Variants in ULK4 observed in about 807,000 individuals in gnomAD.
ULK4 encodes the protein unc-51 like kinase 4.
ULK4 carries 133 observed loss-of-function variants against 160.6 expected under a neutral mutation model. That is an observed-to-expected ratio of 0.83 (90% CI 0.72 to 0.96). The LOEUF (loss-of-function observed/expected upper bound fraction) is 0.96. Among genes scored for constraint, ULK4 ranks in the 40% least tolerant of loss-of-function variants. ULK4 has a pLI of 0.00. For missense variants in ULK4, 1,580 were observed against 1,499.5 expected (o/e 1.05, Z -0.89); for synonymous variants, 534 against 539.8 (o/e 0.99, Z 0.15).
At chr3:41,826,769 G>C (rs1177821789) in intron 18 of ULK4, among the ~76,000 whole-genome samples, 2 of 148,550 alleles carry the variant, frequency 1.3e-5, no homozygotes, top group Admixed American at 6.7e-5. Context: ...AAGTTAACAA[G>C]GATATCCAGG....
intron 35 of ULK4, among the ~76,000 whole-genome samples, chr3:41,353,357 C>T (rs79879532): frequency 0.049 from 7,444 of 152,138 alleles, 435 homozygotes; most frequent in East Asian, 0.21. Context: ...AGCAGTAGAA[C>T]GTTAACATAA....
In ULK4 at chr3:41,918,558, C is replaced by T; in HGVS notation, c.644-18G>A. On this transcript the variant is annotated intron_variant, in intron 6 of 36. Transcript: ENST00000301831. ...AGGTTTTCCTGAAATCACATGAAAA[C>T]TTGCAAAATGAAAGAAGTCTGCTAT... 2 of 1,315,094 alleles carry T rather than the reference C, an allele frequency of 1.5e-6. No individual in the cohort carries two copies. Among genetic ancestry groups the T allele is most frequent in the Admixed American group, 2.4e-5 (1 of 40,944 alleles). 81.5% of individuals were successfully genotyped at this position (1,315,094 alleles called of 1,614,324 possible).
chr3:41,423,198 T>C (rs2082699654), intron 34 of ULK4, among the ~76,000 whole-genome samples: 2 of 152,130 alleles, frequency 1.3e-5, no homozygotes, highest in Admixed American at 1.3e-4. Context: ...CAAGGACACA[T>C]GCCAAATGTA....
intron 17 of ULK4, among the ~76,000 whole-genome samples, chr3:41,871,555 T>C (rs57555409): frequency 0.06 from 9,200 of 152,298 alleles, 881 homozygotes; most frequent in African/African-American, 0.21. Context: ...CTTTAATAGG[T>C]GTATAGTTGC....
intron 34 of ULK4, among the ~76,000 whole-genome samples, chr3:41,416,444 T>C (rs7619162): frequency 0.48 from 72,739 of 151,876 alleles, 18,209 homozygotes; most frequent in African/African-American, 0.62. Context: ...ATGCCTAGAA[T>C]GACGCCGTCA....
chr3:41,622,985 T>C (rs537399709), intron 30 of ULK4, among the ~76,000 whole-genome samples: 1 of 152,328 alleles, frequency 6.6e-6, no homozygotes, highest in East Asian at 1.9e-4. Context: ...ACTTTATTTA[T>C]AAACAACAGG....
At chr3:41,332,765 C>G (rs1389028768) in intron 35 of ULK4, among the ~76,000 whole-genome samples, 1 of 152,124 alleles carries the variant, frequency 6.6e-6, no homozygotes, top group Non-Finnish European at 1.5e-5. Context: ...ATAGTGAGCA[C>G]AGTACCCAAT....
At chr3:41,829,446 GAAAA>G (rs796407503) in intron 18 of ULK4, among the ~76,000 whole-genome samples, 1 of 147,414 alleles carries the variant, frequency 6.8e-6, no homozygotes, top group South Asian at 2.2e-4. Context: ...AAATTTACAA[GAAAA>G]AAAAACAAAC....
At chr3:41,723,979 G>A (rs1394027606) in intron 22 of ULK4, among the ~76,000 whole-genome samples, 1 of 152,188 alleles carries the variant, frequency 6.6e-6, no homozygotes, top group African/African-American at 2.4e-5. Flanking sequence ...AAAAATGCCT[G>A]TACAGATGAT....
chr3:41,424,831 CAAAAAAA>C (rs36097613), intron 34 of ULK4, among the ~76,000 whole-genome samples: 2 of 62,400 alleles, frequency 3.2e-5, no homozygotes, highest in East Asian at 5.8e-4. Flanking sequence ...AAGAAATCAT[CAAAAAAA>C]AAAAAAAAAA....
intron 35 of ULK4, among the ~76,000 whole-genome samples, chr3:41,250,405 T>C (rs1228635982): frequency 2.0e-5 from 3 of 152,356 alleles, no homozygotes; most frequent in South Asian, 4.1e-4. Context: ...CTGTTTCCTA[T>C]ATGTTTTCTC....
At chr3:41,545,172 T>C (rs1163851657) in intron 32 of ULK4, among the ~76,000 whole-genome samples, 1 of 132,484 alleles carries the variant, frequency 7.5e-6, no homozygotes, top group Non-Finnish European at 1.7e-5. Flanking sequence ...TTTAGGTAAT[T>C]ACAGAGTAAC....
intron 32 of ULK4, among the ~76,000 whole-genome samples, chr3:41,534,844 T>A (rs1559375253): frequency 6.6e-6 from 1 of 152,220 alleles, no homozygotes; most frequent in Admixed American, 6.5e-5. Flanking sequence ...ATATATTGCC[T>A]ATATATGAGA....
At chr3:41,502,976 G>T (rs1208764690) in intron 32 of ULK4, among the ~76,000 whole-genome samples, 2 of 152,012 alleles carry the variant, frequency 1.3e-5, no homozygotes, top group Admixed American at 1.3e-4. Context: ...TGTAAAAAAA[G>T]ATGCAATATC....
intron 35 of ULK4, among the ~76,000 whole-genome samples, chr3:41,263,988 G>A (rs1246203995): frequency 6.6e-6 from 1 of 152,186 alleles, no homozygotes; most frequent in Non-Finnish European, 1.5e-5. Flanking sequence ...TTGAGATGCT[G>A]ATAGGTGTCA....
At position 41,764,123 on chromosome 3, in the gene ULK4, C is replaced by T. The variant is rs146651963; in HGVS notation, c.2194-9635G>A. Among the ~76,000 whole-genome samples, 102 of 152,022 alleles carry T rather than the reference C, an allele frequency of 6.7e-4. 2 individuals carry two copies. The East Asian group carries it at 0.017, about 25-fold the overall frequency. On this transcript the variant is annotated intron_variant, in intron 21 of 36. Coordinates refer to ENST00000301831, the MANE Select transcript of ULK4 (RefSeq NM_017886.4). The stretch of plus-strand genomic sequence containing the variant: ...GCAAAACATAAGACTTTGGTATACA[C>T]AATAAACTGAGAAAATGAAAAAGTG...
chr3:41,761,053 G>T (rs2038966268), intron 21 of ULK4, among the ~76,000 whole-genome samples: 1 of 152,048 alleles, frequency 6.6e-6, no homozygotes, highest in Non-Finnish European at 1.5e-5. Context: ...AAAACTATAG[G>T]GGCAGGGAAG....
chr3:41,895,616 T>A, intron 15 of ULK4, 52 bp from the exon 16 acceptor site: 1 of 1,194,668 alleles, frequency 8.4e-7, no homozygotes, highest in Non-Finnish European at 1.1e-6. Flanking sequence ...AATGTTTAAG[T>A]CACAAAACAC....
intron 21 of ULK4, among the ~76,000 whole-genome samples, chr3:41,787,370 G>A (rs2040026782): frequency 6.6e-6 from 1 of 152,276 alleles, no homozygotes; most frequent in African/African-American, 2.4e-5. Context: ...AGCAGCCGGG[G>A]TAGCATCAGA....
Sources: allele counts gnomAD v4.1 joint callset (sites outside exome capture counted in the v4.1 genomes callset), GRCh38; gene constraint gnomAD v4.1.1; transcripts MANE v1.5; gene names NCBI Gene and HGNC (gene_info 2026-07-23, HGNC 2026-07-21).